Variants in LONP2 observed in about 807,000 individuals in gnomAD.
The protein encoded by LONP2 is lon protease homolog 2, peroxisomal.
Under a neutral mutation model 85.6 loss-of-function variants are expected in LONP2, and 60 were observed. That is an observed-to-expected ratio of 0.70 (90% CI 0.57 to 0.87). The LOEUF is 0.87. Among genes scored for constraint, LONP2 ranks in the 40% least tolerant of loss-of-function variants. LONP2 has a pLI of 0.00. For synonymous variants in LONP2, 395 were observed against 389.7 expected, an observed-to-expected ratio of 1.01 and a Z score of -0.16; for missense variants, 860 against 1,063.5, an observed-to-expected ratio of 0.81 and a Z score of 2.66.
rs200240617 is a variant in LONP2 at position 48,347,184 on chromosome 16, A to ATACT, written c.1939-320_1939-317dup. Among the ~76,000 whole-genome samples, 1,300 of 152,248 alleles carry ATACT rather than the reference A, an allele frequency of 8.5e-3. 13 individuals are homozygous for ATACT. The highest frequency in any genetic ancestry group is 0.029 in the African/African-American group (1,200 of 41,530). ...TATATATATTTGCAGCCCAATAAAG[A>ATACT]TACTTAGATAAAACTATTGGGTTTA... On this transcript the variant is annotated intron_variant, in intron 12 of 14. Transcript: ENST00000285737.
At chr16:48,307,173 G>A (rs1257610035) in intron 11 of LONP2, among the ~76,000 whole-genome samples, 1 of 152,162 alleles carries the variant, frequency 6.6e-6, no homozygotes, top group Admixed American at 6.5e-5. Context: ...AGAATTGATC[G>A]ATCTGTGTTA....
intron 9 of LONP2, among the ~76,000 whole-genome samples, chr16:48,297,064 G>A (rs1056366925): frequency 1.3e-5 from 2 of 152,148 alleles, no homozygotes; most frequent in African/African-American, 4.8e-5. Context: ...CTGGAGTGCA[G>A]TGGCACGATC....
intron 11 of LONP2, among the ~76,000 whole-genome samples, chr16:48,332,284 G>T (rs1959478320): frequency 6.6e-6 from 1 of 152,156 alleles, no homozygotes; most frequent in Non-Finnish European, 1.5e-5. Context: ...ATAAATATAT[G>T]TAGATATATT....
intron 6 of LONP2, among the ~76,000 whole-genome samples, chr16:48,268,467 G>T (rs1173140646): frequency 6.6e-6 from 1 of 152,122 alleles, no homozygotes; most frequent in Non-Finnish European, 1.5e-5. Flanking sequence ...TGACATTGAT[G>T]ACCTAACACT....
Position 48,276,872 on chromosome 16 carries a change from G to T in LONP2, c.1242-466G>T, listed in dbSNP as rs75751689. ...TGGTCTGCATTCTGAGTGGCTGTTT[G>T]AACTGATTTTAATTTCCTTCATGAA... On this transcript the variant is annotated intron_variant, in intron 7 of 14. Coordinates refer to ENST00000285737, the MANE Select transcript of LONP2 (RefSeq NM_031490.5). 8.9e-3 allele frequency among the ~76,000 whole-genome samples: 1,358 copies of T among 152,204 alleles called. 26 individuals are homozygous for T. Among genetic ancestry groups the T allele is most frequent in the African/African-American group, 0.031 (1,295 of 41,526 alleles).
At chr16:48,322,995 T>A (rs1053137224) in intron 11 of LONP2, among the ~76,000 whole-genome samples, 17 of 152,230 alleles carry the variant, frequency 1.1e-4, no homozygotes, top group African/African-American at 3.9e-4. Flanking sequence ...ATATGTGGTC[T>A]GCCTTTGACC....
chr16:48,307,887 C>G (rs1018716857), intron 11 of LONP2, among the ~76,000 whole-genome samples: 6 of 152,038 alleles, frequency 3.9e-5, no homozygotes, highest in African/African-American at 1.5e-4. Context: ...AAGGTGAGAC[C>G]TTAGGTAGCT....
chr16:48,295,465 A>G (rs2150995408), intron 8 of LONP2, among the ~76,000 whole-genome samples: 1 of 152,358 alleles, frequency 6.6e-6, no homozygotes, highest in East Asian at 1.9e-4. Flanking sequence ...CTGTATCAGA[A>G]TATAGTAGCA....
rs112633982 is a variant in LONP2 at position 48,310,414 on chromosome 16, C to T, written c.1795+7109C>T. Among the ~76,000 whole-genome samples the T allele has an allele frequency of 6.7e-3, 1,020 of 151,876 alleles. 12 individuals are homozygous for T. The highest frequency in any genetic ancestry group is 0.023 in the African/African-American group (969 of 41,380). On this transcript the variant is annotated intron_variant, in intron 11 of 14. Coordinates refer to ENST00000285737, the MANE Select transcript of LONP2 (RefSeq NM_031490.5). ...TCACCCAGTCTGGAGTGCAATGGCG[C>T]GATCTTGGCTCACTACAACCTCCAC... is the stretch of plus-strand genomic sequence containing the variant.
intron 10 of LONP2, among the ~76,000 whole-genome samples, chr16:48,302,772 C>G (rs769729131): frequency 6.6e-6 from 1 of 152,210 alleles, no homozygotes; most frequent in Non-Finnish European, 1.5e-5. Flanking sequence ...CTTATTCTTT[C>G]AGTAGTATTT....
intron 14 of LONP2, among the ~76,000 whole-genome samples, chr16:48,348,509 T>C (rs1451326944): frequency 3.5e-5 from 4 of 115,644 alleles, no homozygotes; most frequent in South Asian, 2.4e-4. Flanking sequence ...TTTTTTTTTT[T>C]GAAATAGACA....
chr16:48,260,687 A>C (rs1260615594), intron 4 of LONP2, among the ~76,000 whole-genome samples: 1 of 152,228 alleles, frequency 6.6e-6, no homozygotes, highest in Non-Finnish European at 1.5e-5. Flanking sequence ...AATTTCAAGG[A>C]GCATATAAGG....
At chr16:48,302,980 G>A (rs1972837712) in intron 10 of LONP2, among the ~76,000 whole-genome samples, 192 bp from the exon 11 acceptor site, 1 of 152,182 alleles carries the variant, frequency 6.6e-6, no homozygotes, top group Non-Finnish European at 1.5e-5. Flanking sequence ...GGAAATTGTT[G>A]TAGCTGAAAA....
At chr16:48,321,944 CTTT>C (rs112813148) in intron 11 of LONP2, among the ~76,000 whole-genome samples, 2 of 141,478 alleles carry the variant, frequency 1.4e-5, no homozygotes. Context: ...TAATTTTTTT[CTTT>C]TTTTTTTTTT....
chr16:48,249,637 A>G (rs532036514), intron 1 of LONP2, among the ~76,000 whole-genome samples: 4 of 152,140 alleles, frequency 2.6e-5, no homozygotes, highest in Non-Finnish European at 5.9e-5. Flanking sequence ...GCACTTTGGG[A>G]GGCCAAGATG....
At chr16:48,350,730 A>G (rs760111150) in intron 14 of LONP2, among the ~76,000 whole-genome samples, 1 of 152,188 alleles carries the variant, frequency 6.6e-6, no homozygotes, top group Non-Finnish European at 1.5e-5. Context: ...CTTGTGGCCC[A>G]GGGTCTCTGG....
chr16:48,361,299 C>T (rs573734399), downstream of LONP2: 28 of 340,434 alleles, frequency 8.2e-5, no homozygotes, highest in Non-Finnish European at 1.5e-4. Flanking sequence ...AAACACAAAA[C>T]TCAGAATTAT....
At chr16:48,287,588 G>T (rs1461888994) in intron 8 of LONP2, among the ~76,000 whole-genome samples, 1 of 152,130 alleles carries the variant, frequency 6.6e-6, no homozygotes, top group East Asian at 1.9e-4. Flanking sequence ...CTGGGGATGG[G>T]GCTTTTGAAG....
intron 4 of LONP2, among the ~76,000 whole-genome samples, chr16:48,260,585 C>CT (rs1971854575): frequency 6.6e-6 from 1 of 152,154 alleles, no homozygotes; most frequent in Non-Finnish European, 1.5e-5. Flanking sequence ...GATTACAAAG[C>CT]TTGACCTTGT....
Sources: allele counts gnomAD v4.1 joint callset (sites outside exome capture counted in the v4.1 genomes callset), GRCh38; gene constraint gnomAD v4.1.1; transcripts MANE v1.5; gene names NCBI Gene and HGNC (gene_info 2026-07-23, HGNC 2026-07-21).